Variants in COL4A1 observed in about 807,000 individuals in gnomAD.
The protein encoded by COL4A1 is collagen alpha-1(IV) chain.
In COL4A1, 40 loss-of-function variants were observed where a neutral mutation model predicts 216.6. That is an observed-to-expected ratio of 0.18 (90% CI 0.14 to 0.24). The LOEUF (loss-of-function observed/expected upper bound fraction) is 0.24, where lower values mean the gene tolerates loss of function less well. COL4A1 is among the 10% of genes least tolerant of loss of function. The pLI is 1.00. For missense variants in COL4A1, 1,628 were observed against 2,196.8 expected, an observed-to-expected ratio of 0.74 and a Z score of 5.18; for synonymous variants, 839 against 810.7, an observed-to-expected ratio of 1.03 and a Z score of -0.59.
intron 28 of COL4A1, 123 bp from the exon 29 acceptor site, chr13:110,181,512 T>C: frequency 9.7e-7 from 1 of 1,027,894 alleles, no homozygotes; most frequent in South Asian, 1.4e-5. Context: ...AGGTCAACTG[T>C]GGAGGCCTTC....
intron 43 of COL4A1, among the ~76,000 whole-genome samples, chr13:110,168,873 A>T (rs946359958): frequency 6.6e-6 from 1 of 152,270 alleles, no homozygotes; most frequent in African/African-American, 2.4e-5. Context: ...TAGAGGAAAC[A>T]GAGAGACAGA....
intron 24 of COL4A1, chr13:110,190,982 C>G (rs1046413793): frequency 6.6e-6 from 1 of 152,250 alleles, no homozygotes; most frequent in African/African-American, 2.4e-5. Flanking sequence ...CAGGAAAGCC[C>G]AGGAGATGAA....
At chr13:110,303,875 TGAAG>T (rs1884588302) in intron 1 of COL4A1, among the ~76,000 whole-genome samples, 1 of 152,268 alleles carries the variant, frequency 6.6e-6, no homozygotes, top group Admixed American at 6.5e-5. Context: ...GTGTGTGGAA[TGAAG>T]GAAGGCACAA....
chr13:110,201,580 A>G, intron 18 of COL4A1, 58 bp from the exon 19 acceptor site: 1 of 1,370,508 alleles, frequency 7.3e-7, no homozygotes, highest in Non-Finnish European at 1.0e-6. Flanking sequence ...AGTCCTGTAT[A>G]GTAAAGCAGT....
chr13:110,208,842 C>G lies in COL4A1; in HGVS notation c.693+7G>C. On this transcript the variant is annotated splice_region_variant and intron_variant, in intron 12 of 51. Coordinates refer to ENST00000375820, the MANE Select transcript of COL4A1 (RefSeq NM_001845.6). ...CATGAAAGCACTCCAGAGCAATATG[C>G]ACTCACCTTGTCACCTTTTGGTCCT... The G allele has an allele frequency of 6.2e-7, 1 of 1,614,112 alleles. No homozygotes were observed. The highest frequency in any genetic ancestry group is 8.5e-7 in the Non-Finnish European group (1 of 1,179,966).
chr13:110,219,955 TAC>T (rs1406410107), intron 2 of COL4A1, among the ~76,000 whole-genome samples: 1 of 58,352 alleles, frequency 1.7e-5, no homozygotes, highest in East Asian at 6.8e-4. Flanking sequence ...TATATACACA[TAC>T]ATACATATAC....
intron 40 of COL4A1, among the ~76,000 whole-genome samples, chr13:110,173,109 A>G (rs774212801): frequency 4.7e-4 from 72 of 152,174 alleles, no homozygotes; most frequent in Non-Finnish European, 8.7e-4. Context: ...TGCTATTCTC[A>G]GGGAGGTGGG....
chr13:110,163,061 C>T (rs1042631526), intron 47 of COL4A1, among the ~76,000 whole-genome samples: 2 of 152,228 alleles, frequency 1.3e-5, no homozygotes, highest in East Asian at 1.9e-4. Flanking sequence ...ACCGGACACT[C>T]GAGTGTGCCT....
In COL4A1 at chr13:110,195,016, T is replaced by G. The variant is rs778298657; in HGVS notation, c.1381+7A>C. ...ACCACCATTTTAAAAAAATCAAAAT[T>G]TCTTACCTTTCTCTCCAATTTCGCC... On this transcript the variant is annotated splice_region_variant and intron_variant, in intron 22 of 51. Coordinates refer to ENST00000375820, the MANE Select transcript of COL4A1 (RefSeq NM_001845.6). 1 of 1,612,956 alleles carries G rather than the reference T, an allele frequency of 6.2e-7. No homozygotes were observed. Among genetic ancestry groups the G allele is most frequent in the Admixed American group, 1.7e-5 (1 of 59,992 alleles).
intron 1 of COL4A1, among the ~76,000 whole-genome samples, chr13:110,244,002 C>T (rs978416908): frequency 2.6e-5 from 4 of 152,136 alleles, no homozygotes; most frequent in Non-Finnish European, 5.9e-5. Context: ...GTATTGTGGA[C>T]AGAATGTAAA....
At chr13:110,234,349 G>A (rs75037195) in intron 2 of COL4A1, among the ~76,000 whole-genome samples, 517 of 152,242 alleles carry the variant, frequency 3.4e-3, no homozygotes, top group African/African-American at 0.012. Context: ...TTGGGAGGCC[G>A]AGACAGCAAA....
Position 110,161,289 on chromosome 13 carries a change from A to T in COL4A1, c.4543T>A (p.Ser1515Thr). Residue 1515 changes from serine (S) to threonine (T), a missense_variant, in exon 49 of 52, where the codon TCA becomes ACA. By Grantham distance (58) the Ser-to-Thr change is moderately conservative. Transcript: ENST00000375820. The stretch of plus-strand genomic sequence containing the variant: ...AGCCAGTACGAGTAGTCATTTCGTG[A>T]TGCAAAGTTGCACACGTTGTTAATA... The part of the protein sequence containing the change: ...CNINNVCNFA[S>T]RNDYSYWLST... 1 of 1,614,234 alleles carries T rather than the reference A, an allele frequency of 6.2e-7. No individual in the cohort carries two copies. Among genetic ancestry groups the T allele is most frequent in the South Asian group, 1.1e-5 (1 of 91,088 alleles).
At chr13:110,253,335 ATTAC>A (rs1566417919) in intron 1 of COL4A1, among the ~76,000 whole-genome samples, 3 of 78,506 alleles carry the variant, frequency 3.8e-5, no homozygotes, top group Non-Finnish European at 6.9e-5. Flanking sequence ...AATTATATGT[ATTAC>A]ATATACATAT....
At chr13:110,192,387 G>C in intron 23 of COL4A1, 103 bp from the exon 24 acceptor site, 1 of 1,067,750 alleles carries the variant, frequency 9.4e-7, no homozygotes, top group Non-Finnish European at 1.4e-6. Context: ...TATAGGAAGT[G>C]GATGATTGCT....
At chr13:110,288,189 G>A (rs531887460) in intron 1 of COL4A1, among the ~76,000 whole-genome samples, 2 of 151,600 alleles carry the variant, frequency 1.3e-5, no homozygotes, top group African/African-American at 4.8e-5. Flanking sequence ...ACTTGAACAC[G>A]GGAGGCAGAG....
rs1883138326 is a variant in COL4A1 at position 110,268,826 on chromosome 13, G to A, written c.85-26092C>T. Among the ~76,000 whole-genome samples the A allele has an allele frequency of 6.6e-6, 1 of 152,198 alleles. No homozygotes were observed. The highest frequency in any genetic ancestry group is 2.1e-4 in the South Asian group (1 of 4,828). ...GACTCTGTCATCCGCCCATCTTCCA[G>A]CCGAGGGCAGGTGAGACACAAGGAG... On this transcript the variant is annotated intron_variant, in intron 1 of 51. Transcript: ENST00000375820. The surrounding 1 kb of genome is among the most constrained non-coding windows in gnomAD (Gnocchi z 4.1).
intron 24 of COL4A1, chr13:110,191,241 G>A (rs1235527322): frequency 3.9e-5 from 6 of 155,670 alleles, no homozygotes; most frequent in Non-Finnish European, 5.7e-5. Flanking sequence ...ATTTCAACTC[G>A]CTTTTGCCCT....
chr13:110,151,708 T>A (rs1177875543), intron 51 of COL4A1, among the ~76,000 whole-genome samples: 1 of 152,200 alleles, frequency 6.6e-6, no homozygotes, highest in Non-Finnish European at 1.5e-5. Flanking sequence ...GGGCTGCAGC[T>A]GGGGCTCGGG....
chr13:110,203,524 C>T (rs561336110), intron 18 of COL4A1, 42 bp downstream of exon 18: 6 of 1,607,254 alleles, frequency 3.7e-6, no homozygotes, highest in Middle Eastern at 3.4e-4. Flanking sequence ...CTCCTTCCTC[C>T]CCCAGCGCTC....
Sources: gnomAD v4.1 joint callset for allele counts (sites outside exome capture counted in the v4.1 genomes callset) on GRCh38, gnomAD v4.1.1 for gene constraint, Gnocchi (gnomAD v3.1) non-coding constraint, MANE v1.5 for transcripts, NCBI Gene and HGNC (gene_info 2026-07-23, HGNC 2026-07-21) for gene names.